Variants in WWOX observed in about 807,000 individuals in gnomAD.
WWOX encodes the protein WW domain-containing oxidoreductase.
A neutral mutation model predicts 46.2 loss-of-function variants in WWOX; 69 were observed. The ratio of observed to expected loss-of-function variants is 1.49; its 90% CI spans 1.23 to 1.82. WWOX has a LOEUF of 1.82. Ranked by LOEUF, WWOX falls within the 40% of genes most tolerant of loss-of-function variation. The pLI, the probability that WWOX is intolerant of heterozygous loss-of-function variation, is 0.00. For synonymous variants in WWOX, 359 were observed against 202.6 expected (o/e 1.77, Z -6.56); for missense variants, 919 against 542.6 (o/e 1.69, Z -6.89).
At chr16:79,098,568 G>T (rs981649871) in intron 8 of WWOX, among the ~76,000 whole-genome samples, 1 of 152,216 alleles carries the variant, frequency 6.6e-6, no homozygotes, top group Admixed American at 6.5e-5. Context: ...GTGTTCCTGT[G>T]TGTTGAGCAA....
chr16:78,146,463 T>C (rs888564243), intron 4 of WWOX, among the ~76,000 whole-genome samples: 2 of 152,180 alleles, frequency 1.3e-5, no homozygotes, highest in Admixed American at 6.5e-5. Flanking sequence ...CCAGAAGTCA[T>C]GTAAAATCAG....
intron 5 of WWOX, among the ~76,000 whole-genome samples, chr16:78,367,056 A>G (rs2081550969): frequency 6.9e-6 from 1 of 144,696 alleles, no homozygotes; most frequent in Non-Finnish European, 1.5e-5. Flanking sequence ...TTCAGCTCAC[A>G]GCAAGCTCTG....
chr16:78,880,696 C>A (rs2044324687), intron 8 of WWOX, among the ~76,000 whole-genome samples: 1 of 152,162 alleles, frequency 6.6e-6, no homozygotes, highest in African/African-American at 2.4e-5. Flanking sequence ...TGCTGGCGGT[C>A]CATCTGAGAG....
At chr16:79,024,259 T>C (rs1177472136) in intron 8 of WWOX, among the ~76,000 whole-genome samples, 1 of 152,156 alleles carries the variant, frequency 6.6e-6, no homozygotes, top group African/African-American at 2.4e-5. Context: ...TTTTATGTCT[T>C]ATTTATTTAT....
chr16:78,747,068 T>A (rs1033006918), intron 8 of WWOX, among the ~76,000 whole-genome samples: 11 of 152,070 alleles, frequency 7.2e-5, no homozygotes, highest in African/African-American at 2.7e-4. Context: ...CCTCCCAATA[T>A]CCTGCAACCA....
At chr16:78,921,559 C>G (rs1057025317) in intron 8 of WWOX, among the ~76,000 whole-genome samples, 20 of 152,320 alleles carry the variant, frequency 1.3e-4, no homozygotes, top group African/African-American at 4.6e-4. Context: ...GTCATTGGGA[C>G]TGAGCAGCTT....
chr16:78,697,422 T>C (rs2048123825), intron 8 of WWOX, among the ~76,000 whole-genome samples: 1 of 152,176 alleles, frequency 6.6e-6, no homozygotes, highest in Admixed American at 6.6e-5. Context: ...ATTAAACTAA[T>C]CAGCTTTTGC....
intron 8 of WWOX, among the ~76,000 whole-genome samples, chr16:78,882,558 C>G (rs376647905): frequency 7.2e-5 from 11 of 151,848 alleles, no homozygotes; most frequent in African/African-American, 2.7e-4. Context: ...CTCACTGCAC[C>G]CTCCTTCTCC....
At chr16:79,153,607 A>T (rs1442291567) in intron 8 of WWOX, among the ~76,000 whole-genome samples, 2 of 152,182 alleles carry the variant, frequency 1.3e-5, no homozygotes, top group African/African-American at 4.8e-5. Context: ...TCCAAAAAGC[A>T]ATAAAGAACC....
chr16:78,657,821 G>T (rs540712606), intron 8 of WWOX, among the ~76,000 whole-genome samples: 78 of 152,156 alleles, frequency 5.1e-4, no homozygotes, highest in African/African-American at 1.3e-3. Context: ...TTGTTTTTTT[G>T]TGTGTGTGTT....
intron 8 of WWOX, chr16:79,090,114 A>C (rs1220929076): frequency 6.6e-6 from 1 of 152,022 alleles, no homozygotes; most frequent in Non-Finnish European, 1.5e-5. Context: ...AAGGGGCTTT[A>C]ATCAAGCTAT....
chr16:79,125,369 A>G (rs2049729379), intron 8 of WWOX, among the ~76,000 whole-genome samples: 1 of 152,230 alleles, frequency 6.6e-6, no homozygotes, highest in African/African-American at 2.4e-5. Context: ...ATGGGAAAGT[A>G]AATGGTTTAT....
chr16:79,006,312 C>T (rs1442111142), intron 8 of WWOX, among the ~76,000 whole-genome samples: 1 of 152,230 alleles, frequency 6.6e-6, no homozygotes, highest in East Asian at 1.9e-4. Context: ...TCCAGGGACA[C>T]ACAGCCGTGC....
chr16:78,166,437 G>T (rs1307057853), intron 5 of WWOX, among the ~76,000 whole-genome samples: 1 of 152,142 alleles, frequency 6.6e-6, no homozygotes, highest in Non-Finnish European at 1.5e-5. Context: ...CTTTATTTAC[G>T]TATTTGTGAG....
At chr16:78,431,048 G>A (rs1425092531) in intron 7 of WWOX, among the ~76,000 whole-genome samples, 3 of 152,186 alleles carry the variant, frequency 2.0e-5, no homozygotes, top group Non-Finnish European at 4.4e-5. Context: ...AATATGAGGG[G>A]TCCTTTGACA....
chr16:78,174,319 G>T (rs1406012370), intron 5 of WWOX, among the ~76,000 whole-genome samples: 1 of 152,186 alleles, frequency 6.6e-6, no homozygotes, highest in African/African-American at 2.4e-5. Flanking sequence ...AAACCCATCA[G>T]ATCTCTTGAG....
chr16:78,455,764 T>C (rs919618781), intron 8 of WWOX, among the ~76,000 whole-genome samples: 2 of 150,404 alleles, frequency 1.3e-5, no homozygotes, highest in African/African-American at 2.5e-5. Flanking sequence ...AACATGAATT[T>C]GTAATGATGC....
intron 8 of WWOX, among the ~76,000 whole-genome samples, chr16:79,038,267 G>A (rs559403032): frequency 1.3e-5 from 2 of 152,028 alleles, no homozygotes; most frequent in African/African-American, 4.8e-5. Flanking sequence ...CCAGTGAATT[G>A]TCTCCTGAAG....
chr16:78,996,556 G>T (rs868006643), intron 8 of WWOX, among the ~76,000 whole-genome samples: 1 of 152,012 alleles, frequency 6.6e-6, no homozygotes, highest in African/African-American at 2.4e-5. Flanking sequence ...ACTAATGTGG[G>T]AGAGAAGAGA....
Sources: gnomAD v4.1 joint callset for allele counts (sites outside exome capture counted in the v4.1 genomes callset) on GRCh38, gnomAD v4.1.1 for gene constraint, MANE v1.5 for transcripts, NCBI Gene and HGNC (gene_info 2026-07-23, HGNC 2026-07-21) for gene names.